Variants in ADAM12 observed in about 807,000 individuals in gnomAD.
The protein encoded by ADAM12 is disintegrin and metalloproteinase domain-containing protein 12.
In ADAM12, 70 loss-of-function variants were observed where a neutral mutation model predicts 106.4. The ratio of observed to expected loss-of-function variants is 0.66; its 90% confidence interval spans 0.54 to 0.80. The LOEUF (loss-of-function observed/expected upper bound fraction) is 0.80. Ranked by LOEUF, ADAM12 falls within the 30% of genes least tolerant of loss-of-function variation. The pLI is 0.00. For missense variants in ADAM12, 1,010 were observed against 1,171.9 expected (o/e 0.86, Z 2.02); for synonymous variants, 420 against 433.5 (o/e 0.97, Z 0.39).
Position 126,038,682 on chromosome 10 carries a change from T to C in ADAM12, c.2241-333A>G, listed in dbSNP as rs180913803. Reference sequence around the variant, plus strand: ...AAAGCTACCCCATCTGATGAAAATATTTCAATGTCTCCATGTTGTATAAAA... The same window carrying C: ...AAAGCTACCCCATCTGATGAAAATACTTCAATGTCTCCATGTTGTATAAAA... On this transcript the variant is annotated intron_variant, in intron 19 of 22. Transcript: ENST00000448723. 5.9e-5 allele frequency among the ~76,000 whole-genome samples: 9 copies of C among 152,310 alleles called. No individual in the cohort carries two copies. In the East Asian group the frequency reaches 1.7e-3, roughly 29 times the overall value.
At chr10:126,060,782 C>G (rs941634023) in intron 14 of ADAM12, among the ~76,000 whole-genome samples, 1 of 152,204 alleles carries the variant, frequency 6.6e-6, no homozygotes, top group African/African-American at 2.4e-5. Flanking sequence ...TTCACATCCG[C>G]CCTCCCCTCC....
intron 6 of ADAM12, among the ~76,000 whole-genome samples, chr10:126,114,026 A>G (rs1331350978): frequency 6.6e-6 from 1 of 152,080 alleles, no homozygotes; most frequent in Non-Finnish European, 1.5e-5. Context: ...GTATTAGCTC[A>G]AGCAAGCAAC....
At chr10:126,265,317 TA>T (rs1959076890) in intron 3 of ADAM12, among the ~76,000 whole-genome samples, 1 of 152,200 alleles carries the variant, frequency 6.6e-6, no homozygotes, top group African/African-American at 2.4e-5. Flanking sequence ...TTCTTCTCTA[TA>T]GGAGCATTTC....
Position 126,019,716 on chromosome 10 carries a change from C to A in ADAM12, c.2639G>T (p.Gly880Val). 1 of 1,613,920 alleles carries A rather than the reference C, an allele frequency of 6.2e-7. No homozygotes were observed. ...AAACCTGAGGGGTGCCAGGCGGAGCCCAGTCTCCCATTGTCCTGGGGTCCT... is the reference window on the plus strand; with the variant it reads ...AAACCTGAGGGGTGCCAGGCGGAGCACAGTCTCCCATTGTCCTGGGGTCCT... ...LARTPGQWET[G>V]LRLAPLRPAP... Residue 880 changes from glycine to valine, a missense_variant, in exon 22 of 23, where the codon GGG (glycine) becomes GTG (valine). This residue lies in a region of ADAM12 where 615 missense variants were observed against 708.5 expected (regional missense o/e 0.87). Coordinates refer to ENST00000448723, the MANE Select transcript of ADAM12 (RefSeq NM_001288973.2).
chr10:126,190,676 C>G (rs1957482909), intron 3 of ADAM12, among the ~76,000 whole-genome samples: 1 of 152,110 alleles, frequency 6.6e-6, no homozygotes, highest in Non-Finnish European at 1.5e-5. Context: ...ATGAAAGCGA[C>G]AAACACACTA....
intron 18 of ADAM12, chr10:126,041,359 C>CTAT: frequency 1.0e-6 from 1 of 985,794 alleles, no homozygotes; most frequent in Non-Finnish European, 1.2e-6. Context: ...CAAATGCACT[C>CTAT]TATTTTATGC....
intron 5 of ADAM12, among the ~76,000 whole-genome samples, chr10:126,129,646 A>G (rs974770511): frequency 1.3e-5 from 2 of 152,224 alleles, no homozygotes; most frequent in African/African-American, 4.8e-5. Flanking sequence ...CACTTCACCG[A>G]AACCGTATTA....
intron 2 of ADAM12, among the ~76,000 whole-genome samples, chr10:126,281,603 C>G (rs894922994): frequency 6.6e-6 from 1 of 152,196 alleles, no homozygotes; most frequent in Non-Finnish European, 1.5e-5. Flanking sequence ...GGAGAACAGA[C>G]AGCTACTTTA....
intron 11 of ADAM12, among the ~76,000 whole-genome samples, chr10:126,087,916 AG>A (rs1307299541): frequency 2.0e-5 from 3 of 152,214 alleles, no homozygotes; most frequent in Non-Finnish European, 4.4e-5. Context: ...AGTATGAGGT[AG>A]GAATTTTCAG....
intron 2 of ADAM12, among the ~76,000 whole-genome samples, chr10:126,295,172 C>G (rs897781954): frequency 6.6e-6 from 1 of 152,040 alleles, no homozygotes; most frequent in Non-Finnish European, 1.5e-5. Context: ...CCCTCTCCCC[C>G]CAAAAAATAG....
intron 3 of ADAM12, among the ~76,000 whole-genome samples, chr10:126,223,526 AT>A (rs1384939755): frequency 6.6e-6 from 1 of 152,238 alleles, no homozygotes; most frequent in Non-Finnish European, 1.5e-5. Flanking sequence ...TCTATATAAA[AT>A]TTTTAAAAGG....
At chr10:126,131,475 GT>G (rs1389439388) in intron 5 of ADAM12, among the ~76,000 whole-genome samples, 3 of 152,158 alleles carry the variant, frequency 2.0e-5, no homozygotes, top group Non-Finnish European at 4.4e-5. Flanking sequence ...AAATTCATAT[GT>G]TAGAGCCATG....
At chr10:126,109,173 T>C (rs756260189) in intron 7 of ADAM12, among the ~76,000 whole-genome samples, 2 of 152,174 alleles carry the variant, frequency 1.3e-5, no homozygotes, top group Non-Finnish European at 2.9e-5. Flanking sequence ...TTCTGAAAAA[T>C]AGTCAAGCCT....
chr10:126,309,467 C>T (rs578171285), intron 2 of ADAM12, among the ~76,000 whole-genome samples: 15 of 152,240 alleles, frequency 9.9e-5, no homozygotes, highest in South Asian at 2.1e-4. Flanking sequence ...TAACATAAGC[C>T]GGCTTTAGTT....
At chr10:126,364,298 A>G (rs1855840218) in intron 1 of ADAM12, among the ~76,000 whole-genome samples, 1 of 152,158 alleles carries the variant, frequency 6.6e-6, no homozygotes, top group South Asian at 2.1e-4. Flanking sequence ...GTTTGTACAC[A>G]TTTTTATAGC....
chr10:126,283,259 C>T (rs954888340), intron 2 of ADAM12, among the ~76,000 whole-genome samples: 6 of 152,168 alleles, frequency 3.9e-5, no homozygotes, highest in African/African-American at 1.4e-4. Context: ...ACCTCGCCTG[C>T]TGCCGTGTGA....
chr10:126,191,897 C>T (rs1158491604), intron 3 of ADAM12, among the ~76,000 whole-genome samples: 1 of 152,080 alleles, frequency 6.6e-6, no homozygotes, highest in South Asian at 2.1e-4. Flanking sequence ...GGCTGGGAGG[C>T]CTCAGAAAAC....
chr10:126,245,429 A>T (rs57404316), intron 3 of ADAM12, among the ~76,000 whole-genome samples: 5,342 of 152,250 alleles, frequency 0.035, 354 homozygotes, highest in African/African-American at 0.12. Context: ...CCCACTATGG[A>T]GGCATGGGGG....
At chr10:126,182,140 G>A (rs921573198) in intron 3 of ADAM12, among the ~76,000 whole-genome samples, 1 of 152,224 alleles carries the variant, frequency 6.6e-6, no homozygotes. Flanking sequence ...CTGCTGCCAG[G>A]TGCCCCTCTG....
Sources: gnomAD v4.1 joint callset for allele counts (sites outside exome capture counted in the v4.1 genomes callset) on GRCh38, gnomAD v4.1.1 for gene constraint, gnomAD v4.1.1 regional missense constraint, MANE v1.5 for transcripts, NCBI Gene and HGNC (gene_info 2026-07-23, HGNC 2026-07-21) for gene names.